The following ZNF492 variants were observed in gnomAD, a reference collection of about 807,000 sequenced individuals.
ZNF492 encodes the protein zinc finger protein 492, also known as zinc finger protein 115 (Y20).
Under a neutral mutation model 6.4 loss-of-function variants are expected in ZNF492, and 3 were observed. The observed-to-expected ratio is 0.47, with a 90% confidence interval of 0.21 to 1.22. ZNF492 has a LOEUF of 1.22. ZNF492 is among the 50% of genes most tolerant of loss of function. The pLI, the probability that ZNF492 is intolerant of heterozygous loss-of-function variation, is 0.22. For missense variants in ZNF492, 356 were observed against 612.5 expected, an observed-to-expected ratio of 0.58 and a Z score of 4.42; for synonymous variants, 112 against 205.3, an observed-to-expected ratio of 0.55 and a Z score of 3.89.
Position 22,665,354 on chromosome 19 carries a change from G to A in ZNF492, c.*89G>A. The stretch of plus-strand genomic sequence containing the variant: ...CATTCTGGAGAAAACTTCTACAAGT[G>A]TGAATGAACAGTGTGGCAAAACTTA... On this transcript the variant is annotated 3_prime_UTR_variant, in exon 4 of 4. Transcript: ENST00000456783. 6.7e-7 allele frequency: 1 copy of A among 1,498,680 alleles called. No individual in the cohort carries two copies. Among genetic ancestry groups the A allele is most frequent in the Non-Finnish European group, 8.9e-7 (1 of 1,124,670 alleles). The allele number at this position is 1,498,680 out of a possible 1,614,324, so 92.8% of individuals were successfully genotyped here. A position where few individuals can be genotyped will look rare whatever the true frequency, so the allele number is the denominator to read the frequency against.
chr19:22,653,606 T>C (rs933189450), intron 2 of ZNF492, among the ~76,000 whole-genome samples, 173 bp downstream of exon 2: 9 of 152,010 alleles, frequency 5.9e-5, no homozygotes, highest in African/African-American at 2.2e-4. Context: ...ACCTGAACTT[T>C]CCACACTCCT....
At chr19:22,650,664 G>A (rs73927074) in intron 1 of ZNF492, among the ~76,000 whole-genome samples, 12,394 of 152,172 alleles carry the variant, frequency 0.081, 1,694 homozygotes, top group African/African-American at 0.28. Context: ...GAGGAGGGAT[G>A]TGTCAGGGTC....
chr19:22,635,944 T>G (rs1599392559), intron 1 of ZNF492, among the ~76,000 whole-genome samples: 2 of 152,176 alleles, frequency 1.3e-5, no homozygotes, highest in East Asian at 3.9e-4. Context: ...GGGGGTTTGG[T>G]GTGCAGATTA....
In ZNF492 at chr19:22,664,852, T is replaced by C. The variant is rs1410288310; in HGVS notation, c.1183T>C (p.Cys395Arg). The C allele has an allele frequency of 1.2e-6, 2 of 1,610,838 alleles. No individual in the cohort carries two copies. Among genetic ancestry groups the C allele is most frequent in the Non-Finnish European group, 1.7e-6 (2 of 1,177,976 alleles). The change falls in exon 4 of 4, where the codon TGT becomes CGT. Residue 395 changes from cysteine (C) to arginine (R), a missense_variant. Around this residue, in one of 7 missense-constraint regions of ZNF492, gnomAD observed 21 missense variants for 55.3 expected, o/e 0.38. Transcript: ENST00000456783. ...TCATACTGGAGAGAAGCCCTACAAA[T>C]GTGAAGAATGTGGCAAAGCTTTTAA... ...RIHTGEKPYK[C>R]EECGKAFNLS... is the part of the protein sequence containing the mutation.
intron 1 of ZNF492, among the ~76,000 whole-genome samples, chr19:22,634,880 T>C (rs1308077795): frequency 1.3e-5 from 2 of 152,108 alleles, no homozygotes; most frequent in Admixed American, 1.3e-4. Flanking sequence ...CTATTAAAAA[T>C]TTATGGGAGT....
intron 3 of ZNF492, among the ~76,000 whole-genome samples, chr19:22,656,581 C>T (rs2145257330): frequency 6.6e-6 from 1 of 152,152 alleles, no homozygotes; most frequent in African/African-American, 2.4e-5. Context: ...TGCAGGCCTG[C>T]TGCATGGCTA....
rs1411304896 is a variant in ZNF492, at chr19:22,639,570, C to T, written c.-94+5096C>T. 9.9e-5 allele frequency among the ~76,000 whole-genome samples: 15 copies of T among 151,872 alleles called. 1 individual carries two copies. Among genetic ancestry groups the T allele is most frequent in the African/African-American group, 2.4e-5 (1 of 41,448 alleles). ...TACTAAAAAAACAAAATTAGCCGGG[C>T]GTGGTGGCGCATACCTTTAATCCCA... is the stretch of plus-strand genomic sequence containing the variant. On this transcript the variant is annotated intron_variant, in intron 1 of 3. Transcript: ENST00000456783.
At chr19:22,649,291 G>T (rs1034869089) in intron 1 of ZNF492, among the ~76,000 whole-genome samples, 3 of 152,160 alleles carry the variant, frequency 2.0e-5, no homozygotes, top group Non-Finnish European at 4.4e-5. Context: ...TTTCTGCTGA[G>T]AGGTCCACTG....
chr19:22,644,516 A>T (rs1278283273), intron 1 of ZNF492, among the ~76,000 whole-genome samples: 3 of 152,176 alleles, frequency 2.0e-5, no homozygotes, highest in Admixed American at 6.5e-5. Context: ...GCTGAGGATG[A>T]TGACTTCCAG....
intron 1 of ZNF492, among the ~76,000 whole-genome samples, chr19:22,644,089 G>A (rs34897132): frequency 0.19 from 29,342 of 151,920 alleles, 3,678 homozygotes; most frequent in African/African-American, 0.36. Flanking sequence ...TCTTCTGCCT[G>A]TGGGTGTGGT....
At chr19:22,637,118 G>A (rs982031506) in intron 1 of ZNF492, among the ~76,000 whole-genome samples, 1 of 151,102 alleles carries the variant, frequency 6.6e-6, no homozygotes, top group Non-Finnish European at 1.5e-5. Flanking sequence ...ACCACGCCCG[G>A]GTAATTTTTT....
At chr19:22,650,467 G>A (rs1049651157) in intron 1 of ZNF492, among the ~76,000 whole-genome samples, 1 of 151,740 alleles carries the variant, frequency 6.6e-6, no homozygotes, top group Admixed American at 6.6e-5. Flanking sequence ...TGCTTCACTG[G>A]GGTTAAACTC....
At chr19:22,644,188 G>C (rs1189302959) in intron 1 of ZNF492, among the ~76,000 whole-genome samples, 1 of 152,188 alleles carries the variant, frequency 6.6e-6, no homozygotes, top group African/African-American at 2.4e-5. Flanking sequence ...ATCTGAGAAG[G>C]AATCCTAGAA....
At position 22,664,041 on chromosome 19, in the gene ZNF492, A is replaced by G. The variant is rs372591590; in HGVS notation, c.372A>G (p.Lys124=). Residue 124 remains lysine (K), a synonymous_variant, in exon 4 of 4, where the codon AAA becomes AAG. Coordinates refer to ENST00000456783, the MANE Select transcript of ZNF492 (RefSeq NM_020855.3). The stretch of plus-strand genomic sequence containing the variant: ...ACAAATATGTGAAAGTCTTTCATAA[A>G]TTTTCAAATTCAAACAGACATACGA... ...QCDKYVKVFH[K]FSNSNRHTIR... is the part of the protein sequence containing the mutation. The G allele has an allele frequency of 3.2e-5, 52 of 1,604,780 alleles. No homozygotes were observed. In the African/African-American group the frequency reaches 6.3e-4, roughly 19 times the overall value.
At chr19:22,637,395 A>G (rs763904380) in intron 1 of ZNF492, among the ~76,000 whole-genome samples, 1 of 151,682 alleles carries the variant, frequency 6.6e-6, no homozygotes. Flanking sequence ...GGCTCAAGCA[A>G]TCCTCTTCTA....
intron 1 of ZNF492, among the ~76,000 whole-genome samples, chr19:22,637,282 CTTTTA>C (rs960437210): frequency 6.6e-6 from 1 of 151,730 alleles, no homozygotes; most frequent in Non-Finnish European, 1.5e-5. Flanking sequence ...CGGCCTAAAC[CTTTTA>C]TTTTATTTTA....
At position 22,648,809 on chromosome 19, in the gene ZNF492, T is replaced by C. The variant is rs182713119; in HGVS notation, c.-93-4498T>C. On this transcript the variant is annotated intron_variant, in intron 1 of 3. Coordinates refer to ENST00000456783, the MANE Select transcript of ZNF492 (RefSeq NM_020855.3). Reference sequence around the variant, plus strand: ...TTTCCATTTGCTTGGTAAATTTTGCTTCATCCCTATGTGTGTCTTTACACA... The same window carrying C: ...TTTCCATTTGCTTGGTAAATTTTGCCTCATCCCTATGTGTGTCTTTACACA... 7.9e-5 allele frequency among the ~76,000 whole-genome samples: 12 copies of C among 152,384 alleles called. No homozygotes were observed. The East Asian group carries it at 2.3e-3, about 29-fold the overall frequency.
intron 1 of ZNF492, among the ~76,000 whole-genome samples, chr19:22,642,714 G>A (rs1971841142): frequency 6.6e-6 from 1 of 151,994 alleles, no homozygotes; most frequent in African/African-American, 2.4e-5. Flanking sequence ...ACTCAGGATT[G>A]TCTTTATTTG....
chr19:22,664,228 C>T lies in ZNF492; in HGVS notation c.559C>T (p.His187Tyr). 6.2e-7 allele frequency: 1 copy of T among 1,612,246 alleles called. No homozygotes were observed. Among genetic ancestry groups the T allele is most frequent in the East Asian group, 2.2e-5 (1 of 44,854 alleles). ...AYNETSNLST[H>Y]KRIHTGKKPY... ...TAATGAGACCTCAAACCTTTCTACA[C>T]ATAAAAGAATTCATACTGGAAAGAA... The change falls in exon 4 of 4, where the codon CAT (histidine) becomes TAT (tyrosine). Residue 187 changes from histidine (H) to tyrosine (Y), a missense_variant. His to Tyr is a moderately conservative substitution (Grantham distance 83). Coordinates refer to ENST00000456783, the MANE Select transcript of ZNF492 (RefSeq NM_020855.3).
Sources: allele counts gnomAD v4.1 joint callset (sites outside exome capture counted in the v4.1 genomes callset), GRCh38; gene constraint gnomAD v4.1.1; regional missense constraint gnomAD v4.1.1; transcripts MANE v1.5; gene names NCBI Gene and HGNC (gene_info 2026-07-23, HGNC 2026-07-21).